Variants in BIRC2 observed in about 807,000 individuals in gnomAD.
BIRC2 encodes baculoviral IAP repeat containing 2, also known as baculoviral IAP repeat-containing protein 2.
In BIRC2, 18 loss-of-function variants were observed where a neutral mutation model predicts 60.9. The ratio of observed to expected loss-of-function variants is 0.30; its 90% confidence interval spans 0.20 to 0.44. The LOEUF is 0.44. Ranked by LOEUF, BIRC2 falls within the 20% of genes least tolerant of loss-of-function variation. The pLI is 1.00. For missense variants in BIRC2, 701 were observed against 728.5 expected (o/e 0.96, Z 0.43); for synonymous variants, 282 against 247.7 (o/e 1.14, Z -1.30).
Position 102,377,573 on chromosome 11 carries a change from C to G in BIRC2, c.1444C>G (p.Leu482Val). ...ATGTGTGCTTCCTATCCTGGATAAT[C>G]TTTTAAAGGCCAATGTAATTAATAA... ...LTCVLPILDN[L>V]LKANVINKQE... is the part of the protein sequence containing the mutation. Residue 482 changes from leucine to valine, a missense_variant, in exon 7 of 9, where the codon CTT becomes GTT. Coordinates refer to ENST00000227758, the MANE Select transcript of BIRC2 (RefSeq NM_001166.5). 1.2e-6 allele frequency: 2 copies of G among 1,610,976 alleles called. No individual in the cohort carries two copies. The highest frequency in any genetic ancestry group is 1.7e-6 in the Non-Finnish European group (2 of 1,178,634).
chr11:102,355,881 A>G (rs1301603582), intron 3 of BIRC2, among the ~76,000 whole-genome samples: 3 of 152,058 alleles, frequency 2.0e-5, no homozygotes, highest in Non-Finnish European at 4.4e-5. Flanking sequence ...GCTGTTGTAC[A>G]TGGGATTACT....
intron 6 of BIRC2, among the ~76,000 whole-genome samples, chr11:102,375,707 G>A (rs1021006796): frequency 6.6e-6 from 1 of 151,598 alleles, no homozygotes; most frequent in African/African-American, 2.4e-5. Flanking sequence ...GTGAACCCGG[G>A]AGGCAGAGCT....
At chr11:102,364,764 T>C (rs1306605579) in intron 5 of BIRC2, among the ~76,000 whole-genome samples, 4 of 152,110 alleles carry the variant, frequency 2.6e-5, no homozygotes, top group Admixed American at 2.6e-4. Flanking sequence ...AAGGATTTGG[T>C]AGTATTTGAC....
intron 5 of BIRC2, among the ~76,000 whole-genome samples, chr11:102,365,853 A>G (rs35843371): frequency 0.013 from 1,916 of 152,270 alleles, 70 homozygotes; most frequent in Admixed American, 0.086. Flanking sequence ...TCGGCCTCCC[A>G]TAGTGCTGGG....
intron 6 of BIRC2, among the ~76,000 whole-genome samples, chr11:102,375,809 A>G (rs543635858): frequency 6.6e-5 from 10 of 151,652 alleles, no homozygotes; most frequent in Admixed American, 1.3e-4. Flanking sequence ...TTCCAGTTCT[A>G]TCAGTTACTA....
At position 102,350,445 on chromosome 11, in the gene BIRC2, T is replaced by G; in HGVS notation, c.591T>G (p.Thr197=). 1 of 1,614,194 alleles carries G rather than the reference T, an allele frequency of 6.2e-7. No homozygotes were observed. The highest frequency in any genetic ancestry group is 1.3e-5 in the African/African-American group (1 of 75,050). ...RFLTYHMWPL[T]FLSPSELARA... is the part of the protein sequence containing the mutation. ...TTACCTACCATATGTGGCCATTAAC[T>G]TTTTTGTCACCATCAGAATTGGCAA... Residue 197 remains threonine (T), a synonymous_variant, in exon 2 of 9, where the codon ACT becomes ACG. Coordinates refer to ENST00000227758, the MANE Select transcript of BIRC2 (RefSeq NM_001166.5).
intron 3 of BIRC2, among the ~76,000 whole-genome samples, chr11:102,359,717 G>A (rs1951464522): frequency 6.6e-6 from 1 of 152,116 alleles, no homozygotes; most frequent in Admixed American, 6.5e-5. Flanking sequence ...GTCTTATAGG[G>A]TTTCTCTTGT....
At chr11:102,358,151 C>T (rs893708183) in intron 3 of BIRC2, among the ~76,000 whole-genome samples, 1 of 152,102 alleles carries the variant, frequency 6.6e-6, no homozygotes, top group African/African-American at 2.4e-5. Context: ...TTGTGACCTG[C>T]TGCATGATCT....
At chr11:102,367,761 C>T (rs1951570358) in intron 5 of BIRC2, among the ~76,000 whole-genome samples, 1 of 152,144 alleles carries the variant, frequency 6.6e-6, no homozygotes, top group Non-Finnish European at 1.5e-5. Context: ...TACTTTTTCA[C>T]TACATCTTCT....
intron 3 of BIRC2, among the ~76,000 whole-genome samples, chr11:102,360,122 A>G (rs1216985271): frequency 6.6e-6 from 1 of 151,944 alleles, no homozygotes; most frequent in Non-Finnish European, 1.5e-5. Context: ...GTGCACCACC[A>G]TGCCCAGCTA....
chr11:102,361,101 G>C (rs1384769455), intron 3 of BIRC2, among the ~76,000 whole-genome samples: 1 of 152,196 alleles, frequency 6.6e-6, no homozygotes, highest in Non-Finnish European at 1.5e-5. Flanking sequence ...CTTTGGGCTT[G>C]TTGTGTTGGT....
In BIRC2 at chr11:102,377,636, C is replaced by G. The variant is rs780028336; in HGVS notation, c.1507C>G (p.Pro503Ala). The G allele has an allele frequency of 3.1e-5, 50 of 1,610,866 alleles. No individual in the cohort carries two copies. The South Asian group carries it at 4.7e-4, about 15-fold the overall frequency. Residue 503 changes from proline to alanine, a missense_variant, in exon 7 of 9, where the codon CCT (proline) becomes GCT (alanine). By Grantham distance (27) the Pro-to-Ala change is conservative. Transcript: ENST00000227758. Reference sequence around the variant, plus strand: ...TATTATTAAACAAAAAACACAGATACCTTTACAAGCGAGAGAACTGATTGA... The same window carrying G: ...TATTATTAAACAAAAAACACAGATAGCTTTACAAGCGAGAGAACTGATTGA... Reference protein sequence around the residue: ...HDIIKQKTQIPLQARELIDTI... With the variant: ...HDIIKQKTQIALQARELIDTI...
Position 102,362,929 on chromosome 11 carries a change from G to A in BIRC2, c.1029G>A (p.Glu343=). The A allele has an allele frequency of 6.2e-7, 1 of 1,613,060 alleles. No individual in the cohort carries two copies. The highest frequency in any genetic ancestry group is 8.5e-7 in the Non-Finnish European group (1 of 1,179,400). The part of the protein sequence containing the change: ...CEFLIRMKGQ[E]FVDEIQGRYP... ...TCTTGATACGAATGAAAGGCCAAGA[G>A]TTTGTTGATGAGATTCAAGGTAGAT... Residue 343 remains glutamate (E), a synonymous_variant, in exon 4 of 9, where the codon GAG becomes GAA. Coordinates refer to ENST00000227758, the MANE Select transcript of BIRC2 (RefSeq NM_001166.5).
At chr11:102,365,743 A>AGTGTGTGT (rs34130638) in intron 5 of BIRC2, among the ~76,000 whole-genome samples, 7,358 of 147,608 alleles carry the variant, frequency 0.05, 246 homozygotes, top group Non-Finnish European at 0.079. Flanking sequence ...CATTCAGCTA[A>AGTGTGTGT]GTGTGTGTGT....
Position 102,363,664 on chromosome 11 carries a change from A to G in BIRC2, c.1075-4A>G, listed in dbSNP as rs1165699940. 1.2e-6 allele frequency: 2 copies of G among 1,611,290 alleles called. No homozygotes were observed. The highest frequency in any genetic ancestry group is 1.3e-5 in the African/African-American group (1 of 74,880). ...TACCTATTAACTTTTCTCTTGTTTC[A>G]TAGCTGTTGTCAACTTCAGATACCA... is the stretch of plus-strand genomic sequence containing the variant. On this transcript the variant is annotated splice_polypyrimidine_tract_variant and splice_region_variant and intron_variant, in intron 4 of 8. Coordinates refer to ENST00000227758, the MANE Select transcript of BIRC2 (RefSeq NM_001166.5).
rs56036089 is a variant in BIRC2 at position 102,363,822 on chromosome 11, C to T, written c.1123+106C>T. The T allele has an allele frequency of 1.8e-3, 1,458 of 799,652 alleles. 20 individuals are homozygous for T. The highest frequency in any genetic ancestry group is 0.013 in the South Asian group (748 of 56,698). 49.5% of individuals were successfully genotyped at this position (799,652 alleles called of 1,614,324 possible). ...CTGTAATCCCAACACTTTGAGAGGCCGAGGTTGACAGATCACCTGAGGTCA... is the reference window on the plus strand; with the variant it reads ...CTGTAATCCCAACACTTTGAGAGGCTGAGGTTGACAGATCACCTGAGGTCA... On this transcript the variant is annotated intron_variant, in intron 5 of 8. Transcript: ENST00000227758.
intron 3 of BIRC2, among the ~76,000 whole-genome samples, chr11:102,355,432 G>A (rs1263995802): frequency 6.6e-6 from 1 of 152,050 alleles, no homozygotes; most frequent in Non-Finnish European, 1.5e-5. Flanking sequence ...TTGTATATGT[G>A]GCTTTATTTC....
rs1191679660 is a variant in BIRC2, at chr11:102,378,334, G to GA, written c.*155dup. On this transcript the variant is annotated 3_prime_UTR_variant, in exon 9 of 9. Coordinates refer to ENST00000227758, the MANE Select transcript of BIRC2 (RefSeq NM_001166.5). ...CTTTGGTACTAATAATCTTGTTTCT[G>GA]AAAAGATGGTATCATATATTTAATC... 23 of 590,632 alleles carry GA rather than the reference G, an allele frequency of 3.9e-5. No homozygotes were observed. The highest frequency in any genetic ancestry group is 3.8e-4 in the African/African-American group (20 of 52,420). The allele number at this position is 590,632 out of a possible 1,614,324, so 36.6% of individuals were successfully genotyped here.
intron 5 of BIRC2, among the ~76,000 whole-genome samples, chr11:102,364,172 TATACACAC>T (rs1951522833): frequency 1.1e-5 from 1 of 89,706 alleles, no homozygotes; most frequent in African/African-American, 5.4e-5. Context: ...TATATATATA[TATACACAC>T]ACACACAGAG....
Sources: allele counts gnomAD v4.1 joint callset (sites outside exome capture counted in the v4.1 genomes callset), GRCh38; gene constraint gnomAD v4.1.1; transcripts MANE v1.5; gene names NCBI Gene and HGNC (gene_info 2026-07-23, HGNC 2026-07-21).